Variants in CHCHD6 observed in about 807,000 individuals in gnomAD.
CHCHD6 encodes MICOS complex subunit MIC25.
In CHCHD6, 28 loss-of-function variants were observed where a neutral mutation model predicts 32.3. The observed-to-expected ratio is 0.87, with a 90% confidence interval of 0.64 to 1.19. The LOEUF (loss-of-function observed/expected upper bound fraction) is 1.19. Among genes scored for constraint, CHCHD6 ranks in the 50% most tolerant of loss-of-function variants. The pLI is 0.00. For missense variants in CHCHD6, 333 were observed against 307.0 expected (o/e 1.08, Z -0.63); for synonymous variants, 122 against 117.5 (o/e 1.04, Z -0.25).
intron 3 of CHCHD6, among the ~76,000 whole-genome samples, chr3:126,732,845 G>A (rs1183168822): frequency 1.3e-5 from 2 of 152,170 alleles, no homozygotes; most frequent in African/African-American, 2.4e-5. Context: ...GAGCTGTGTT[G>A]TCTTGGCTCA....
At chr3:126,921,498 T>G (rs1220350609) in intron 6 of CHCHD6, among the ~76,000 whole-genome samples, 11 of 99,388 alleles carry the variant, frequency 1.1e-4, no homozygotes, top group African/African-American at 2.9e-4. Context: ...CTATTTTTTA[T>G]GACAACCTTC....
chr3:126,785,019 T>C (rs769283450), intron 4 of CHCHD6, among the ~76,000 whole-genome samples: 14 of 152,178 alleles, frequency 9.2e-5, no homozygotes, highest in Non-Finnish European at 1.9e-4. Context: ...ATTATACTTA[T>C]ATATTTACAA....
At chr3:126,932,004 CCTT>C (rs1400964407) in intron 6 of CHCHD6, among the ~76,000 whole-genome samples, 1 of 152,200 alleles carries the variant, frequency 6.6e-6, no homozygotes, top group East Asian at 1.9e-4. Context: ...AGGGCCTGGT[CCTT>C]CTTGTCCTCA....
At chr3:126,815,082 A>T (rs1173599541) in intron 4 of CHCHD6, among the ~76,000 whole-genome samples, 2 of 152,230 alleles carry the variant, frequency 1.3e-5, no homozygotes, top group East Asian at 3.9e-4. Flanking sequence ...GTGAGGGCAG[A>T]GGAAAAATGA....
At chr3:126,928,869 A>G (rs1663257773) in intron 6 of CHCHD6, among the ~76,000 whole-genome samples, 1 of 152,192 alleles carries the variant, frequency 6.6e-6, no homozygotes, top group Non-Finnish European at 1.5e-5. Context: ...CCAGTTAGAT[A>G]CAGGTTGGGG....
chr3:126,705,705 A>C (rs1327327735), intron 1 of CHCHD6, among the ~76,000 whole-genome samples: 1 of 151,950 alleles, frequency 6.6e-6, no homozygotes, highest in East Asian at 1.9e-4. Flanking sequence ...TAGATGAATT[A>C]GTTAATTAAG....
chr3:126,815,923 C>T (rs544332230), intron 4 of CHCHD6, among the ~76,000 whole-genome samples: 2 of 152,328 alleles, frequency 1.3e-5, no homozygotes, highest in Non-Finnish European at 2.9e-5. Flanking sequence ...AGAACACTCA[C>T]AGCTTCATCC....
chr3:126,704,299 T>C lies in CHCHD6; in HGVS notation c.-14T>C. ...TCTCGGGTCTGGTGGCTGCCGGCCCTGCGGCATCTCGCCATGGGGAGCACG... is the reference window on the plus strand; with the variant it reads ...TCTCGGGTCTGGTGGCTGCCGGCCCCGCGGCATCTCGCCATGGGGAGCACG... On this transcript the variant is annotated 5_prime_UTR_variant, in exon 1 of 8. Transcript: ENST00000290913. 1 of 1,600,354 alleles carries C rather than the reference T, an allele frequency of 6.2e-7. No individual in the cohort carries two copies. The highest frequency in any genetic ancestry group is 8.5e-7 in the Non-Finnish European group (1 of 1,175,382).
intron 4 of CHCHD6, among the ~76,000 whole-genome samples, chr3:126,796,808 C>T (rs957690649): frequency 1.3e-5 from 2 of 152,138 alleles, no homozygotes; most frequent in Non-Finnish European, 2.9e-5. Flanking sequence ...TAGGCCCACT[C>T]GAAGCCTCTG....
intron 6 of CHCHD6, among the ~76,000 whole-genome samples, chr3:126,939,087 G>A (rs1001033557): frequency 1.3e-5 from 2 of 152,154 alleles, no homozygotes; most frequent in African/African-American, 4.8e-5. Context: ...TTGGGAGTCA[G>A]TGAAGTGAAC....
intron 5 of CHCHD6, among the ~76,000 whole-genome samples, chr3:126,909,647 A>G (rs778912671): frequency 6.6e-6 from 1 of 152,224 alleles, no homozygotes; most frequent in African/African-American, 2.4e-5. Flanking sequence ...TCAGATGTGC[A>G]TGTGGGGCAG....
At chr3:126,768,715 C>G (rs1264445318) in intron 4 of CHCHD6, among the ~76,000 whole-genome samples, 1 of 152,192 alleles carries the variant, frequency 6.6e-6, no homozygotes, top group Non-Finnish European at 1.5e-5. Context: ...CTTTTCCCCA[C>G]AACCTCGCCA....
At chr3:126,908,692 A>G (rs1454574650) in intron 5 of CHCHD6, among the ~76,000 whole-genome samples, 4 of 152,176 alleles carry the variant, frequency 2.6e-5, no homozygotes, top group African/African-American at 7.2e-5. Context: ...TCTCTTCCAA[A>G]TACATAGTAT....
At chr3:126,803,313 G>A (rs1939181477) in intron 4 of CHCHD6, among the ~76,000 whole-genome samples, 1 of 152,158 alleles carries the variant, frequency 6.6e-6, no homozygotes, top group Admixed American at 6.5e-5. Context: ...CTGTATTCAG[G>A]AAACCCATCT....
At chr3:126,842,126 C>T (rs1054521232) in intron 4 of CHCHD6, among the ~76,000 whole-genome samples, 9 of 151,988 alleles carry the variant, frequency 5.9e-5, no homozygotes, top group African/African-American at 1.7e-4. Context: ...TGGCAGCATG[C>T]GCCTGTAGTA....
chr3:126,854,119 C>T (rs1278173899), intron 5 of CHCHD6, among the ~76,000 whole-genome samples: 1 of 152,198 alleles, frequency 6.6e-6, no homozygotes, highest in Non-Finnish European at 1.5e-5. Flanking sequence ...CCTCTCATCT[C>T]TACCCTAGTT....
chr3:126,827,706 A>G (rs963449833), intron 4 of CHCHD6, among the ~76,000 whole-genome samples: 1 of 152,200 alleles, frequency 6.6e-6, no homozygotes, highest in Non-Finnish European at 1.5e-5. Flanking sequence ...TTAGAGGAGA[A>G]TGGGATTTTT....
At chr3:126,954,928 AG>A (rs1185931646) in intron 6 of CHCHD6, among the ~76,000 whole-genome samples, 1 of 152,202 alleles carries the variant, frequency 6.6e-6, no homozygotes, top group Admixed American at 6.5e-5. Context: ...TGGGGAGGGG[AG>A]AGCACAGCCT....
chr3:126,811,228 G>T (rs1215141163), intron 4 of CHCHD6, among the ~76,000 whole-genome samples: 1 of 152,144 alleles, frequency 6.6e-6, no homozygotes, highest in Non-Finnish European at 1.5e-5. Flanking sequence ...AAGCTATGCA[G>T]AATTAATTGA....
Sources: gnomAD v4.1 joint callset for allele counts (sites outside exome capture counted in the v4.1 genomes callset) on GRCh38, gnomAD v4.1.1 for gene constraint, MANE v1.5 for transcripts, NCBI Gene and HGNC (gene_info 2026-07-23, HGNC 2026-07-21) for gene names.